Variants in ZBTB38 observed in about 807,000 individuals in gnomAD.
ZBTB38 encodes zinc finger and BTB domain-containing protein 38.
ZBTB38 carries 20 observed loss-of-function variants against 76.8 expected under a neutral mutation model. The observed-to-expected ratio is 0.26, with a 90% CI of 0.18 to 0.38. The LOEUF is 0.38. Ranked by LOEUF, ZBTB38 falls within the 10% of genes least tolerant of loss-of-function variation. The probability of loss-of-function intolerance (pLI) is 1.00; values close to 1 mark genes in which losing one functional copy is unlikely to be tolerated. For synonymous variants in ZBTB38, 504 were observed against 544.2 expected (o/e 0.93, Z 1.03); for missense variants, 1,082 against 1,482.3 (o/e 0.73, Z 4.43).
chr3:141,428,151 TTC>T (rs753535984), intron 5 of ZBTB38, among the ~76,000 whole-genome samples: 75 of 152,334 alleles, frequency 4.9e-4, no homozygotes, highest in Middle Eastern at 3.4e-3. Flanking sequence ...ACATTCCTTG[TTC>T]TCTCTGTGAT....
intron 5 of ZBTB38, among the ~76,000 whole-genome samples, chr3:141,406,257 G>A (rs540640643): frequency 1.3e-5 from 2 of 152,324 alleles, no homozygotes; most frequent in Admixed American, 6.5e-5. Context: ...GTAGCTTGGG[G>A]GGAGATCGGG....
intron 1 of ZBTB38, among the ~76,000 whole-genome samples, chr3:141,326,280 G>A (rs1942672867): frequency 6.6e-6 from 1 of 152,172 alleles, no homozygotes; most frequent in African/African-American, 2.4e-5. Flanking sequence ...TATTTAAGAA[G>A]CAAGTTAATG....
chr3:141,381,122 T>A (rs1946141989), intron 2 of ZBTB38, among the ~76,000 whole-genome samples: 1 of 152,170 alleles, frequency 6.6e-6, no homozygotes, highest in South Asian at 2.1e-4. Flanking sequence ...TGACAAGCAG[T>A]CATGGCAGAA....
intron 1 of ZBTB38, among the ~76,000 whole-genome samples, chr3:141,354,852 T>C (rs748445551): frequency 1.3e-5 from 2 of 151,994 alleles, no homozygotes; most frequent in Non-Finnish European, 1.5e-5. Flanking sequence ...ACTGGGAGAA[T>C]GATGGGCACT....
intron 4 of ZBTB38, among the ~76,000 whole-genome samples, chr3:141,399,527 T>C (rs1951221121): frequency 6.6e-6 from 1 of 152,108 alleles, no homozygotes; most frequent in Admixed American, 6.5e-5. Context: ...TTAAAGTGCT[T>C]GAAGGGAAAG....
At chr3:141,429,188 G>A (rs180755027) in intron 5 of ZBTB38, among the ~76,000 whole-genome samples, 1 of 152,188 alleles carries the variant, frequency 6.6e-6, no homozygotes, top group South Asian at 2.1e-4. Context: ...AAGTCAAAAA[G>A]CAGAGCAGGG....
rs533037864 is a variant in ZBTB38, at chr3:141,433,326, G to T, written c.1-9063G>T. ...TTAAAATTGTTTTGACTTTTGTTTT[G>T]TTTTTTTTTGTTTTTTTTGGTTAGC... On this transcript the variant is annotated intron_variant, in intron 5 of 5. Coordinates refer to ENST00000321464, the MANE Select transcript of ZBTB38 (RefSeq NM_001376113.1). Among the ~76,000 whole-genome samples, 761 of 147,308 alleles carry T rather than the reference G, an allele frequency of 5.2e-3. 4 individuals are homozygous for T. The highest frequency in any genetic ancestry group is 0.02 in the South Asian group (95 of 4,642).
chr3:141,357,210 T>G (rs1277959446), intron 1 of ZBTB38, among the ~76,000 whole-genome samples: 1 of 152,238 alleles, frequency 6.6e-6, no homozygotes, highest in Non-Finnish European at 1.5e-5. Context: ...TATTTGTCAT[T>G]GGTACTTTTT....
chr3:141,405,329 A>G (rs183234722), intron 5 of ZBTB38, among the ~76,000 whole-genome samples: 1 of 152,368 alleles, frequency 6.6e-6, no homozygotes, highest in Admixed American at 6.5e-5. Flanking sequence ...ATATATAGGA[A>G]AGCCATTTAA....
chr3:141,378,820 C>A (rs1945783628), intron 2 of ZBTB38, among the ~76,000 whole-genome samples: 2 of 152,210 alleles, frequency 1.3e-5, no homozygotes, highest in African/African-American at 4.8e-5. Flanking sequence ...CCATTTACCC[C>A]TCCCTGAGAC....
chr3:141,437,181 A>C (rs1310996052), intron 5 of ZBTB38, among the ~76,000 whole-genome samples: 1 of 151,490 alleles, frequency 6.6e-6, no homozygotes, highest in Non-Finnish European at 1.5e-5. Flanking sequence ...GCAGATTTGG[A>C]CTCTTTGTTT....
chr3:141,427,889 T>G (rs780302709), intron 5 of ZBTB38: 1 of 152,306 alleles, frequency 6.6e-6, no homozygotes, highest in Non-Finnish European at 1.5e-5. Context: ...GGCATTTACT[T>G]TAGATTAGCA....
chr3:141,393,778 T>C (rs1022595727), intron 4 of ZBTB38, among the ~76,000 whole-genome samples: 18 of 151,824 alleles, frequency 1.2e-4, no homozygotes, highest in Non-Finnish European at 2.1e-4. Context: ...TGGGAAGGGG[T>C]TGCAACTAGA....
rs982713041 is a variant in ZBTB38 at position 141,426,074 on chromosome 3, A to G, written c.1-16315A>G. 6 of 1,169,650 alleles carry G rather than the reference A, an allele frequency of 5.1e-6. No homozygotes were observed. The African/African-American group carries it at 9.4e-5, about 18-fold the overall frequency. 72.5% of individuals were successfully genotyped at this position (1,169,650 alleles called of 1,614,324 possible). ...TGTCAAATGATGTCACAATGGGGACATTGTTGCATTTGTTTGGAGTATGGG... is the reference window on the plus strand; with the variant it reads ...TGTCAAATGATGTCACAATGGGGACGTTGTTGCATTTGTTTGGAGTATGGG... On this transcript the variant is annotated intron_variant, in intron 5 of 5. Coordinates refer to ENST00000321464, the MANE Select transcript of ZBTB38 (RefSeq NM_001376113.1).
At chr3:141,383,010 C>A (rs961864052) in intron 3 of ZBTB38, among the ~76,000 whole-genome samples, 1 of 152,118 alleles carries the variant, frequency 6.6e-6, no homozygotes, top group African/African-American at 2.4e-5. Flanking sequence ...TCTATTAGTT[C>A]CTCACCTAAA....
intron 4 of ZBTB38, chr3:141,387,210 C>T (rs1329697667): frequency 6.6e-6 from 1 of 151,964 alleles, no homozygotes; most frequent in African/African-American, 2.4e-5. Flanking sequence ...TCATTTGCTT[C>T]TGGATGTTTG....
At chr3:141,391,270 A>C (rs1470259684) in intron 4 of ZBTB38, among the ~76,000 whole-genome samples, 1 of 152,262 alleles carries the variant, frequency 6.6e-6, no homozygotes, top group East Asian at 1.9e-4. Flanking sequence ...GTAGCATTTA[A>C]GTGAAGATCG....
At chr3:141,421,793 T>C (rs1233227847) in intron 5 of ZBTB38, among the ~76,000 whole-genome samples, 1 of 152,232 alleles carries the variant, frequency 6.6e-6, no homozygotes, top group African/African-American at 2.4e-5. Flanking sequence ...CCCTCTGTGC[T>C]TTTTGTTATC....
intron 1 of ZBTB38, among the ~76,000 whole-genome samples, chr3:141,369,209 A>G (rs891313464): frequency 6.6e-6 from 1 of 152,184 alleles, no homozygotes; most frequent in East Asian, 1.9e-4. Flanking sequence ...ACCCTGTTCT[A>G]GGCAAATACG....
Sources: allele counts gnomAD v4.1 joint callset (sites outside exome capture counted in the v4.1 genomes callset), GRCh38; gene constraint gnomAD v4.1.1; transcripts MANE v1.5; gene names NCBI Gene and HGNC (gene_info 2026-07-23, HGNC 2026-07-21).